The following LIX1L variants were observed in gnomAD, a reference collection of about 807,000 sequenced individuals.
LIX1L encodes the protein LIX1-like protein.
In LIX1L, 20 loss-of-function variants were observed where a neutral mutation model predicts 34.0. The observed-to-expected ratio is 0.59, with a 90% CI of 0.41 to 0.85. LIX1L has a LOEUF of 0.85. LIX1L is among the 40% of genes least tolerant of loss of function. The pLI is 0.00. For synonymous variants in LIX1L, 170 were observed against 187.4 expected (o/e 0.91, Z 0.76); for missense variants, 397 against 447.0 (o/e 0.89, Z 1.01).
At chr1:145,945,932 CAAAAA>C (rs782015208) in intron 2 of LIX1L, among the ~76,000 whole-genome samples, 2,453 of 71,882 alleles carry the variant, frequency 0.034, 108 homozygotes, top group African/African-American at 0.11. Context: ...CTAAAAATAC[CAAAAA>C]AAAAAAAAAA....
rs782689158 is a variant in LIX1L, at chr1:145,957,888, C to A, written c.40G>T (p.Gly14Cys). Reference protein sequence around the residue: ...MRAQRLQPGVGTSGRGTLRAL... With the variant: ...MRAQRLQPGVCTSGRGTLRAL... Reference sequence around the variant, plus strand: ...CGGAGAGTGCCCCTCCCGCTGGTGCCCACACCAGGCTGCAGCCGCTGCGCT... The same window carrying A: ...CGGAGAGTGCCCCTCCCGCTGGTGCACACACCAGGCTGCAGCCGCTGCGCT... Residue 14 changes from glycine to cysteine, a missense_variant, in exon 1 of 6, where the codon GGC (glycine) becomes TGC (cysteine). Coordinates refer to ENST00000604000, the MANE Select transcript of LIX1L (RefSeq NM_153713.3). 1 of 1,486,136 alleles carries A rather than the reference C, an allele frequency of 6.7e-7. No homozygotes were observed. The highest frequency in any genetic ancestry group is 8.9e-7 in the Non-Finnish European group (1 of 1,121,778). 92.1% of individuals were successfully genotyped at this position (1,486,136 alleles called of 1,614,324 possible).
At chr1:145,945,763 AAAG>A (rs1348750297) in intron 2 of LIX1L, among the ~76,000 whole-genome samples, 21 of 144,202 alleles carry the variant, frequency 1.5e-4, no homozygotes, top group Admixed American at 1.2e-3. Context: ...AAAAAAAAAA[AAAG>A]AAGAAGGAAA....
Position 145,934,953 on chromosome 1 carries a change from T to C in LIX1L, c.*1357A>G, listed in dbSNP as rs1431682229. 2 of 151,674 alleles carry C rather than the reference T, an allele frequency of 1.3e-5. No homozygotes were observed. The highest frequency in any genetic ancestry group is 2.4e-5 in the African/African-American group (1 of 41,236). The allele number at this position is 151,674 out of a possible 1,614,324, so 9.4% of individuals were successfully genotyped here. On this transcript the variant is annotated 3_prime_UTR_variant, in exon 6 of 6. Coordinates refer to ENST00000604000, the MANE Select transcript of LIX1L (RefSeq NM_153713.3). Reference sequence around the variant, plus strand: ...AGGCTGAGGCGGGTGGATTACCTTATGTCAGGAGTTCAAGAACAGCCTGGC... The same window carrying C: ...AGGCTGAGGCGGGTGGATTACCTTACGTCAGGAGTTCAAGAACAGCCTGGC...
chr1:145,945,736 G>A lies in LIX1L; in HGVS notation c.456+1883C>T, dbSNP rs1184581705. On this transcript the variant is annotated intron_variant, in intron 2 of 5. Coordinates refer to ENST00000604000, the MANE Select transcript of LIX1L (RefSeq NM_153713.3). ...TGCACTCCAGCCTGGGCAACAGAGC[G>A]AGACTCTATCTCAAAAAAAAAAAAA... is the stretch of plus-strand genomic sequence containing the variant. 7.3e-4 allele frequency among the ~76,000 whole-genome samples: 96 copies of A among 130,720 alleles called. 1 individual carries two copies. Among genetic ancestry groups the A allele is most frequent in the Middle Eastern group, 5.7e-3 (1 of 176 alleles). 85.8% of individuals were successfully genotyped at this position (130,720 alleles called of 152,430 possible).
rs111555787 is a variant in LIX1L, at chr1:145,937,128, ATATTTATTTATTTATTTATT to A, written c.694-163_694-144del. On this transcript the variant is annotated intron_variant, in intron 4 of 5. Transcript: ENST00000604000. ...TCTGATAGGCCTTTGGGGAAGAAAA[ATATTTATTTATTTATTTATT>A]TATTTATTTATTTATTTATTTATTT... The A allele has an allele frequency of 1.6e-3, 304 of 195,268 alleles. 9 individuals carry two copies. The highest frequency in any genetic ancestry group is 6.7e-3 in the African/African-American group (263 of 39,496). 12.1% of individuals were successfully genotyped at this position (195,268 alleles called of 1,614,324 possible). A position where few individuals can be genotyped will look rare whatever the true frequency, so the allele number is the denominator to read the frequency against.
At chr1:145,945,142 C>G (rs1235129471) in intron 2 of LIX1L, among the ~76,000 whole-genome samples, 2 of 151,516 alleles carry the variant, frequency 1.3e-5, no homozygotes, top group African/African-American at 4.9e-5. Context: ...ACCAGCCTGG[C>G]CAACATGGTG....
intron 4 of LIX1L, 119 bp downstream of exon 4, chr1:145,937,485 G>A (rs1553757985): frequency 1.7e-5 from 11 of 649,696 alleles, no homozygotes; most frequent in Non-Finnish European, 1.1e-5. Context: ...TTGAAAAATA[G>A]TGTAACAACC....
At position 145,933,716 on chromosome 1, in the gene LIX1L, T is replaced by G. The variant is rs1648514072; in HGVS notation, c.*2594A>C. On this transcript the variant is annotated 3_prime_UTR_variant, in exon 6 of 6. Transcript: ENST00000604000. ...AAATGTCAAACAGACACACCTGGTG[T>G]GTCTAGCTGTTTTTGCCTTTACTCC... The G allele has an allele frequency of 6.6e-6, 1 of 152,048 alleles. No homozygotes were observed. The highest frequency in any genetic ancestry group is 1.5e-5 in the Non-Finnish European group (1 of 68,004). The allele number at this position is 152,048 out of a possible 1,614,324, so 9.4% of individuals were successfully genotyped here.
intron 1 of LIX1L, among the ~76,000 whole-genome samples, chr1:145,951,626 G>C (rs1426396233): frequency 6.6e-6 from 1 of 152,104 alleles, no homozygotes. Context: ...CCTTCTATTG[G>C]TTTTGGCAGG....
chr1:145,938,825 T>C (rs1178328601), intron 3 of LIX1L, among the ~76,000 whole-genome samples: 1 of 152,152 alleles, frequency 6.6e-6, no homozygotes, highest in Non-Finnish European at 1.5e-5. Flanking sequence ...TGACCTCAGG[T>C]GATCTGCCTG....
Position 145,947,786 on chromosome 1 carries a change from C to T in LIX1L, c.293-4G>A, listed in dbSNP as rs782174171. 8.7e-6 allele frequency: 14 copies of T among 1,613,924 alleles called. No individual in the cohort carries two copies. The South Asian group carries it at 1.2e-4, about 14-fold the overall frequency. On this transcript the variant is annotated splice_polypyrimidine_tract_variant and splice_region_variant and intron_variant, in intron 1 of 5. Transcript: ENST00000604000. ...TGAAGTGCCTCCACCACATTCACTA[C>T]AAAAGAGAAGTACTTAAGTTCAGCA... is the stretch of plus-strand genomic sequence containing the variant.
chr1:145,939,626 T>C (rs1648813182), intron 3 of LIX1L, among the ~76,000 whole-genome samples: 1 of 151,202 alleles, frequency 6.6e-6, no homozygotes, highest in Non-Finnish European at 1.5e-5. Flanking sequence ...AATTGCTTTC[T>C]TTTTTCTTTT....
intron 2 of LIX1L, 67 bp downstream of exon 2, chr1:145,947,552 G>A (rs1649156663): frequency 1.3e-6 from 2 of 1,533,568 alleles, no homozygotes; most frequent in South Asian, 1.1e-5. Flanking sequence ...AATGGCCAAA[G>A]TGGTGGAGAA....
intron 3 of LIX1L, among the ~76,000 whole-genome samples, chr1:145,939,638 CTTTT>C (rs587705670): frequency 3.8e-5 from 5 of 132,742 alleles, no homozygotes; most frequent in Admixed American, 7.7e-5. Context: ...TTTTCTTTTT[CTTTT>C]TTTTTTTTTT....
intron 1 of LIX1L, among the ~76,000 whole-genome samples, chr1:145,947,993 A>C (rs1269547115): frequency 6.6e-6 from 1 of 152,206 alleles, no homozygotes; most frequent in Non-Finnish European, 1.5e-5. Flanking sequence ...GCCCTCCTCC[A>C]CCACTTTTCT....
In LIX1L at chr1:145,934,923, T is replaced by G. The variant is rs1553757532; in HGVS notation, c.*1387A>C. The G allele has an allele frequency of 6.6e-6, 1 of 151,826 alleles. No homozygotes were observed. Among genetic ancestry groups the G allele is most frequent in the East Asian group, 1.9e-4 (1 of 5,178 alleles). 9.4% of individuals were successfully genotyped at this position (151,826 alleles called of 1,614,324 possible). A position where few individuals can be genotyped will look rare whatever the true frequency, so the allele number is the denominator to read the frequency against. Reference sequence around the variant, plus strand: ...GCCTCACGCCTGTAATCCCAGCACTTTGGGAGGCTGAGGCGGGTGGATTAC... The same window carrying G: ...GCCTCACGCCTGTAATCCCAGCACTGTGGGAGGCTGAGGCGGGTGGATTAC... On this transcript the variant is annotated 3_prime_UTR_variant, in exon 6 of 6. Coordinates refer to ENST00000604000, the MANE Select transcript of LIX1L (RefSeq NM_153713.3).
chr1:145,936,726 A>C, intron 5 of LIX1L, 174 bp from the exon 6 acceptor site: 1 of 835,368 alleles, frequency 1.2e-6, no homozygotes, highest in African/African-American at 1.7e-5. Context: ...GATAGACAAA[A>C]GAATCACAGC....
chr1:145,957,186 G>A (rs1649500323), intron 1 of LIX1L, among the ~76,000 whole-genome samples: 1 of 152,174 alleles, frequency 6.6e-6, no homozygotes, highest in Non-Finnish European at 1.5e-5. Flanking sequence ...AACAGTCAAG[G>A]TTAAGGGGCT....
intron 2 of LIX1L, among the ~76,000 whole-genome samples, chr1:145,946,310 T>G (rs1224197298): frequency 6.6e-6 from 1 of 151,344 alleles, no homozygotes; most frequent in Admixed American, 6.6e-5. Context: ...GCAATTCTCC[T>G]GCCTCAGCCT....
Sources: gnomAD v4.1 joint callset for allele counts (sites outside exome capture counted in the v4.1 genomes callset) on GRCh38, gnomAD v4.1.1 for gene constraint, MANE v1.5 for transcripts, NCBI Gene and HGNC (gene_info 2026-07-23, HGNC 2026-07-21) for gene names.